Variants in SOX5 observed in about 807,000 individuals in gnomAD.
SOX5 encodes transcription factor SOX-5.
In SOX5, 9 loss-of-function variants were observed where a neutral mutation model predicts 92.0. The ratio of observed to expected loss-of-function variants is 0.10; its 90% confidence interval spans 0.06 to 0.17. The LOEUF (loss-of-function observed/expected upper bound fraction) is 0.17, where lower values mean the gene tolerates loss of function less well. SOX5 is among the 10% of genes least tolerant of loss of function. The probability of loss-of-function intolerance (pLI) is 1.00; values close to 1 mark genes in which losing one functional copy is unlikely to be tolerated. For missense variants in SOX5, 642 were observed against 944.5 expected (o/e 0.68, Z 4.20); for synonymous variants, 344 against 336.3 (o/e 1.02, Z -0.25).
intron 3 of SOX5, among the ~76,000 whole-genome samples, chr12:23,828,938 C>T (rs2135544491): frequency 6.6e-6 from 1 of 152,246 alleles, no homozygotes; most frequent in East Asian, 1.9e-4. Context: ...TCTGCCCTAG[C>T]CTCACTGCTC....
At chr12:23,857,802 GGCT>G in intron 2 of SOX5, among the ~76,000 whole-genome samples, 1 of 148,236 alleles carries the variant, frequency 6.7e-6, no homozygotes, top group East Asian at 2.0e-4. Context: ...GCACGATCTT[GGCT>G]CACTGCAACC....
At chr12:24,467,363 A>G (rs1944337578) in intron 1 of SOX5, among the ~76,000 whole-genome samples, 1 of 152,238 alleles carries the variant, frequency 6.6e-6, no homozygotes, top group African/African-American at 2.4e-5. Context: ...AATTCAGTGC[A>G]CGTTACAATG....
intron 1 of SOX5, among the ~76,000 whole-genome samples, chr12:24,457,266 T>G (rs1054855976): frequency 6.6e-6 from 1 of 152,182 alleles, no homozygotes; most frequent in Non-Finnish European, 1.5e-5. Flanking sequence ...AACCTAATAA[T>G]GTCAATGGTG....
chr12:24,551,495 C>T (rs1408694468), intron 1 of SOX5, among the ~76,000 whole-genome samples: 2 of 152,150 alleles, frequency 1.3e-5, no homozygotes, highest in Non-Finnish European at 2.9e-5. Context: ...TTTTGTATAA[C>T]GTAAATGCTT....
intron 4 of SOX5, among the ~76,000 whole-genome samples, chr12:23,974,205 C>G (rs1948665549): frequency 6.6e-6 from 1 of 152,114 alleles, no homozygotes; most frequent in Admixed American, 6.6e-5. Context: ...ACAGAAATCA[C>G]GCAAAGCAAA....
Position 23,662,003 on chromosome 12 carries a change from T to A in SOX5, c.931+3441A>T, listed in dbSNP as rs577890054. ...GACAGTTTTAATAGAACTGAGAAGT[T>A]CAAAATACAGATTATTCAACTAATT... On this transcript the variant is annotated intron_variant, in intron 7 of 14. Transcript: ENST00000451604. Among the ~76,000 whole-genome samples the A allele has an allele frequency of 6.7e-4, 102 of 152,294 alleles. 1 individual carries two copies. Among genetic ancestry groups the A allele is most frequent in the Non-Finnish European group, 1.0e-3 (71 of 68,012 alleles).
At chr12:24,137,501 G>T (rs1188532346) in intron 4 of SOX5, among the ~76,000 whole-genome samples, 1 of 152,006 alleles carries the variant, frequency 6.6e-6, no homozygotes, top group Non-Finnish European at 1.5e-5. Flanking sequence ...GCATGGTGGC[G>T]CGCACCTGTA....
chr12:23,594,950 A>C (rs1034381786), intron 9 of SOX5, among the ~76,000 whole-genome samples: 49 of 152,158 alleles, frequency 3.2e-4, no homozygotes, highest in African/African-American at 1.2e-3. Flanking sequence ...CTCTCCCAAG[A>C]AGATTCCCTT....
At chr12:23,565,198 T>C (rs1479569261) in intron 10 of SOX5, among the ~76,000 whole-genome samples, 1 of 152,210 alleles carries the variant, frequency 6.6e-6, no homozygotes, top group African/African-American at 2.4e-5. Context: ...TAATATTTAC[T>C]GTAAAAGATG....
At chr12:23,898,376 T>C (rs1294711361) in intron 1 of SOX5, among the ~76,000 whole-genome samples, 3 of 152,136 alleles carry the variant, frequency 2.0e-5, no homozygotes, top group Non-Finnish European at 4.4e-5. Flanking sequence ...AGTCTCTCAA[T>C]GTCTAAAAAC....
chr12:24,283,986 G>A (rs963404481), intron 2 of SOX5, among the ~76,000 whole-genome samples: 2 of 152,196 alleles, frequency 1.3e-5, no homozygotes, highest in Non-Finnish European at 2.9e-5. Flanking sequence ...GTAAATGGAA[G>A]TGAACAGGAA....
chr12:23,669,452 A>G (rs1054247950), intron 6 of SOX5, among the ~76,000 whole-genome samples: 2 of 152,196 alleles, frequency 1.3e-5, no homozygotes, highest in African/African-American at 4.8e-5. Flanking sequence ...GAATCAGTCT[A>G]TGCATCAGGG....
intron 1 of SOX5, among the ~76,000 whole-genome samples, chr12:23,942,892 T>G (rs1454871789): frequency 2.6e-5 from 4 of 152,054 alleles, no homozygotes; most frequent in Non-Finnish European, 5.9e-5. Context: ...TTTAACATTT[T>G]CTTTTCTAAA....
intron 1 of SOX5, among the ~76,000 whole-genome samples, chr12:24,533,921 A>G (rs1462494581): frequency 6.6e-6 from 1 of 152,212 alleles, no homozygotes; most frequent in African/African-American, 2.4e-5. Context: ...AATGTATATT[A>G]TGAATAATGC....
intron 3 of SOX5, among the ~76,000 whole-genome samples, chr12:23,788,138 A>G (rs2095413419): frequency 6.6e-6 from 1 of 151,940 alleles, no homozygotes; most frequent in Non-Finnish European, 1.5e-5. Flanking sequence ...TAAAAAAACA[A>G]AATTGGAGTT....
intron 2 of SOX5, among the ~76,000 whole-genome samples, chr12:24,304,288 G>A (rs1595389092): frequency 6.6e-6 from 1 of 152,180 alleles, no homozygotes. Context: ...CTTGGTTTTA[G>A]AATATCGGAT....
chr12:23,972,387 T>G (rs1467531660), intron 4 of SOX5, among the ~76,000 whole-genome samples: 1 of 152,190 alleles, frequency 6.6e-6, no homozygotes, highest in Non-Finnish European at 1.5e-5. Context: ...AGATGGAGTC[T>G]CACTCTGTCA....
intron 1 of SOX5, among the ~76,000 whole-genome samples, chr12:24,387,346 T>C (rs767099088): frequency 1.1e-4 from 17 of 152,128 alleles, no homozygotes; most frequent in Admixed American, 4.6e-4. Flanking sequence ...TCTTAAAACA[T>C]TGAGATTTTT....
chr12:24,022,894 G>T (rs1954467029), intron 4 of SOX5, among the ~76,000 whole-genome samples: 1 of 149,570 alleles, frequency 6.7e-6, no homozygotes, highest in Non-Finnish European at 1.5e-5. Context: ...GGACATTAGC[G>T]CCCCCAACAA....
Sources: gnomAD v4.1 joint callset for allele counts (sites outside exome capture counted in the v4.1 genomes callset) on GRCh38, gnomAD v4.1.1 for gene constraint, MANE v1.5 for transcripts, NCBI Gene and HGNC (gene_info 2026-07-23, HGNC 2026-07-21) for gene names.